MYO3A: variants seen among roughly 807,000 people sequenced by gnomAD.
MYO3A encodes myosin IIIA.
A neutral mutation model predicts 192.7 loss-of-function variants in MYO3A; 180 were observed. The observed-to-expected ratio is 0.93, with a 90% CI of 0.83 to 1.06. The LOEUF (loss-of-function observed/expected upper bound fraction) is 1.06, where lower values mean the gene tolerates loss of function less well. Ranked by LOEUF, MYO3A falls within the 50% of genes least tolerant of loss-of-function variation. The pLI, the probability that MYO3A is intolerant of heterozygous loss-of-function variation, is 0.00. For missense variants in MYO3A, 1,896 were observed against 1,905.0 expected, an observed-to-expected ratio of 1.00 and a Z score of 0.09; for synonymous variants, 628 against 645.3, an observed-to-expected ratio of 0.97 and a Z score of 0.41.
chr10:26,198,475 T>C (rs1001840669), intron 32 of MYO3A, among the ~76,000 whole-genome samples: 1 of 152,226 alleles, frequency 6.6e-6, no homozygotes, highest in Non-Finnish European at 1.5e-5. Flanking sequence ...TTATTATTCT[T>C]TCCAGTACTT....
At chr10:26,144,045 G>A (rs763181368) in intron 21 of MYO3A, among the ~76,000 whole-genome samples, 1 of 152,004 alleles carries the variant, frequency 6.6e-6, no homozygotes, top group Non-Finnish European at 1.5e-5. Flanking sequence ...TAACCTCTAA[G>A]TTACAGTACA....
chr10:26,168,690 G>T (rs751162646), intron 27 of MYO3A, 22 bp from the exon 28 acceptor site: 2 of 1,605,724 alleles, frequency 1.2e-6, no homozygotes, highest in South Asian at 1.1e-5. Context: ...ATGGTTCTTT[G>T]TATTATATTT....
rs1342320 is a variant in MYO3A at position 26,168,607 on chromosome 10, C to T, written c.3112-105C>T. 0.34 allele frequency: 426,885 copies of T among 1,238,970 alleles called. 74,317 individuals carry two copies. The highest frequency in any genetic ancestry group is 0.43 in the Middle Eastern group (1,634 of 3,824). 76.7% of individuals were successfully genotyped at this position (1,238,970 alleles called of 1,614,324 possible). A position where few individuals can be genotyped will look rare whatever the true frequency, so the allele number is the denominator to read the frequency against. On this transcript the variant is annotated intron_variant, in intron 27 of 34. Transcript: ENST00000642920. The stretch of plus-strand genomic sequence containing the variant: ...CAAAGAAGCAAAAGACAGTGATTTC[C>T]AAAATCTCAAGCAATTTAGAATGTG...
chr10:26,168,345 T>A (rs376383765), intron 27 of MYO3A, among the ~76,000 whole-genome samples: 2 of 111,656 alleles, frequency 1.8e-5, no homozygotes, highest in African/African-American at 5.8e-5. Context: ...ATTTTTTTAA[T>A]TTGGGAAATA....
intron 10 of MYO3A, among the ~76,000 whole-genome samples, chr10:26,055,819 A>C (rs1844280437): frequency 6.6e-6 from 1 of 152,254 alleles, no homozygotes; most frequent in Non-Finnish European, 1.5e-5. Context: ...TGTCATTAAA[A>C]GGTTGAAACC....
At position 26,140,609 on chromosome 10, in the gene MYO3A, C is replaced by T. The variant is rs560276073; in HGVS notation, c.2263-2839C>T. ...TGAAGCAGGTAGAATTACTCGAACC[C>T]GGGAAGTGGAAGTTGCAGTGAGCCG... On this transcript the variant is annotated intron_variant, in intron 20 of 34. Transcript: ENST00000642920. Among the ~76,000 whole-genome samples the T allele has an allele frequency of 3.6e-4, 55 of 150,916 alleles. No homozygotes were observed. The South Asian group carries it at 0.011, about 31-fold the overall frequency.
At chr10:26,076,223 T>A (rs981261109) in intron 14 of MYO3A, among the ~76,000 whole-genome samples, 1 of 152,210 alleles carries the variant, frequency 6.6e-6, no homozygotes, top group African/African-American at 2.4e-5. Context: ...CATTGTGGTT[T>A]TGATTTGCAT....
intron 20 of MYO3A, among the ~76,000 whole-genome samples, chr10:26,133,632 T>C (rs1056746425): frequency 2.5e-4 from 38 of 152,232 alleles, no homozygotes; most frequent in African/African-American, 8.7e-4. Context: ...CTTGCCCTGC[T>C]GCCCAAACTA....
At chr10:26,161,650 A>G (rs1337630792) in intron 26 of MYO3A, among the ~76,000 whole-genome samples, 1 of 152,252 alleles carries the variant, frequency 6.6e-6, no homozygotes, top group Admixed American at 6.5e-5. Flanking sequence ...GGCTGAAAAT[A>G]GGGATGATAA....
intron 13 of MYO3A, 25 bp downstream of exon 13, chr10:26,070,240 A>G (rs1334745523): frequency 6.3e-7 from 1 of 1,597,384 alleles, no homozygotes; most frequent in South Asian, 1.1e-5. Flanking sequence ...CCATTCTTAG[A>G]AATTTACCTC....
In MYO3A at chr10:26,016,877, C is replaced by A; in HGVS notation, c.566C>A (p.Pro189Gln). Residue 189 changes from proline to glutamine, a missense_variant, in exon 7 of 35, where the codon CCG becomes CAG. Physicochemically the swap from Pro to Gln is moderately conservative, Grantham distance 76. Coordinates refer to ENST00000642920, the MANE Select transcript of MYO3A (RefSeq NM_017433.5). The stretch of plus-strand genomic sequence containing the variant: ...CGTCGGAACACATCCGTAGGAACAC[C>A]GTTTTGGATGGCTCCTGAGGTCAGA... ...RHRRNTSVGT[P>Q]FWMAPEVIAC... The A allele has an allele frequency of 6.2e-7, 1 of 1,614,150 alleles. No individual in the cohort carries two copies. The highest frequency in any genetic ancestry group is 1.3e-5 in the African/African-American group (1 of 75,038).
chr10:26,174,198 C>A lies in MYO3A; in HGVS notation c.3934C>A (p.Gln1312Lys), dbSNP rs972804224. ...EKEKKTSVVT[Q>K]RAPICSQEEG... is the part of the protein sequence containing the mutation. ...AGAAAAGAAGACATCTGTAGTTACCCAGCGTGCACCGATATGCAGCCAGGA... is the reference window on the plus strand; with the variant it reads ...AGAAAAGAAGACATCTGTAGTTACCAAGCGTGCACCGATATGCAGCCAGGA... Residue 1312 changes from glutamine (Q) to lysine (K), a missense_variant, in exon 30 of 35, where the codon CAG (glutamine) becomes AAG (lysine). Gln to Lys is a moderately conservative substitution (Grantham distance 53). Coordinates refer to ENST00000642920, the MANE Select transcript of MYO3A (RefSeq NM_017433.5). 1 of 1,614,158 alleles carries A rather than the reference C, an allele frequency of 6.2e-7. No individual in the cohort carries two copies. Among genetic ancestry groups the A allele is most frequent in the Non-Finnish European group, 8.5e-7 (1 of 1,180,030 alleles).
intron 11 of MYO3A, 132 bp downstream of exon 11, chr10:26,067,206 C>A: frequency 1.6e-6 from 1 of 643,894 alleles, no homozygotes; most frequent in Non-Finnish European, 2.8e-6. Flanking sequence ...ACTCACTCTG[C>A]CCATGTCTCC....
chr10:26,104,333 T>G (rs1183968942), intron 17 of MYO3A, among the ~76,000 whole-genome samples: 1 of 152,154 alleles, frequency 6.6e-6, no homozygotes, highest in Non-Finnish European at 1.5e-5. Context: ...GCTCTTACAT[T>G]TAGGTCATTG....
At chr10:26,014,308 A>G (rs1841853639) in intron 6 of MYO3A, among the ~76,000 whole-genome samples, 1 of 152,130 alleles carries the variant, frequency 6.6e-6, no homozygotes, top group Non-Finnish European at 1.5e-5. Flanking sequence ...TTTTAAGCGA[A>G]GAGTTGTCTA....
chr10:25,983,786 A>G lies in MYO3A; in HGVS notation c.304-12704A>G, dbSNP rs1839482650. ...ACACCTGGGAAAATCATCACAAAAG[A>G]TCATTGCCTAGGCATATAGTCATCA... On this transcript the variant is annotated intron_variant, in intron 4 of 34. Coordinates refer to ENST00000642920, the MANE Select transcript of MYO3A (RefSeq NM_017433.5). 2.0e-5 allele frequency among the ~76,000 whole-genome samples: 3 copies of G among 152,336 alleles called. No individual in the cohort carries two copies. The South Asian group carries it at 6.2e-4, about 32-fold the overall frequency.
At chr10:25,937,188 G>C (rs1836138414) in intron 2 of MYO3A, among the ~76,000 whole-genome samples, 1 of 152,184 alleles carries the variant, frequency 6.6e-6, no homozygotes, top group African/African-American at 2.4e-5. Flanking sequence ...GACAGCTCTT[G>C]CAACTGCTCA....
intron 10 of MYO3A, among the ~76,000 whole-genome samples, chr10:26,049,672 T>TA: frequency 1.4e-5 from 1 of 69,994 alleles, no homozygotes; most frequent in African/African-American, 4.5e-5. Flanking sequence ...TTTCTTTCTT[T>TA]CTTTTTTTTT....
intron 2 of MYO3A, among the ~76,000 whole-genome samples, chr10:25,936,504 T>C (rs1246794986): frequency 6.6e-6 from 1 of 152,226 alleles, no homozygotes; most frequent in Non-Finnish European, 1.5e-5. Flanking sequence ...GAATTGATAA[T>C]TTGAATGATT....
Sources: gnomAD v4.1 joint callset for allele counts (sites outside exome capture counted in the v4.1 genomes callset) on GRCh38, gnomAD v4.1.1 for gene constraint, MANE v1.5 for transcripts, NCBI Gene and HGNC (gene_info 2026-07-23, HGNC 2026-07-21) for gene names.